Variants in TRAF3IP1 observed in about 807,000 individuals in gnomAD.
TRAF3IP1 encodes the protein intraflagellar transport 54.
Under a neutral mutation model 89.9 loss-of-function variants are expected in TRAF3IP1, and 53 were observed. That is an observed-to-expected ratio of 0.59 (90% confidence interval 0.47 to 0.74). The LOEUF (loss-of-function observed/expected upper bound fraction) is 0.74, where lower values mean the gene tolerates loss of function less well. Ranked by LOEUF, TRAF3IP1 falls within the 30% of genes least tolerant of loss-of-function variation. The probability of loss-of-function intolerance (pLI) is 0.00; values close to 1 mark genes in which losing one functional copy is unlikely to be tolerated. For missense variants in TRAF3IP1, 806 were observed against 866.1 expected (o/e 0.93, Z 0.87); for synonymous variants, 311 against 322.1 (o/e 0.97, Z 0.37).
chr2:238,358,628 TCTA>T (rs1699529103), intron 15 of TRAF3IP1, among the ~76,000 whole-genome samples: 1 of 152,242 alleles, frequency 6.6e-6, no homozygotes, highest in Admixed American at 6.5e-5. Context: ...GGTGTGTATC[TCTA>T]CTTTGGATGT....
intron 15 of TRAF3IP1, 73 bp downstream of exon 15, chr2:238,356,153 G>T (rs1699396434): frequency 1.0e-5 from 12 of 1,201,118 alleles, no homozygotes; most frequent in East Asian, 2.5e-5. Context: ...TTTACAAGTT[G>T]GAGCATCTTT....
chr2:238,335,864 A>T (rs1454871153), intron 7 of TRAF3IP1, among the ~76,000 whole-genome samples: 1 of 151,300 alleles, frequency 6.6e-6, no homozygotes, highest in African/African-American at 2.4e-5. Flanking sequence ...CAGTGGCGCA[A>T]TCATGGCTCA....
At chr2:238,374,753 T>A (rs1700246307) in intron 15 of TRAF3IP1, among the ~76,000 whole-genome samples, 1 of 152,250 alleles carries the variant, frequency 6.6e-6, no homozygotes, top group Non-Finnish European at 1.5e-5. Flanking sequence ...TGAATCCGTC[T>A]GGTCCTGGAC....
At chr2:238,374,806 A>G (rs888303577) in intron 15 of TRAF3IP1, among the ~76,000 whole-genome samples, 5 of 151,990 alleles carry the variant, frequency 3.3e-5, no homozygotes, top group African/African-American at 9.7e-5. Context: ...TTAATTTCAG[A>G]GCCTGTTATT....
At chr2:238,361,308 G>A (rs1351878935) in intron 15 of TRAF3IP1, among the ~76,000 whole-genome samples, 1 of 152,136 alleles carries the variant, frequency 6.6e-6, no homozygotes, top group Non-Finnish European at 1.5e-5. Flanking sequence ...GCCTCCCAAA[G>A]TGAACCACTG....
intron 7 of TRAF3IP1, among the ~76,000 whole-genome samples, chr2:238,335,261 AT>A (rs200248761): frequency 2.2e-4 from 33 of 151,084 alleles, no homozygotes; most frequent in East Asian, 9.7e-4. Context: ...TTTATCATAC[AT>A]TTTTTTTTAC....
chr2:238,361,401 A>G (rs4663881), intron 15 of TRAF3IP1, among the ~76,000 whole-genome samples: 3 of 152,122 alleles, frequency 2.0e-5, no homozygotes, highest in South Asian at 4.1e-4. Context: ...TCTTTTTGTT[A>G]TGGCCAAGAG....
intron 15 of TRAF3IP1, among the ~76,000 whole-genome samples, chr2:238,376,766 T>C (rs989550378): frequency 6.6e-6 from 1 of 152,270 alleles, no homozygotes; most frequent in Non-Finnish European, 1.5e-5. Flanking sequence ...AGTAATGCTG[T>C]TGACTTATAA....
At chr2:238,377,225 A>ATT in intron 15 of TRAF3IP1, among the ~76,000 whole-genome samples, 1 of 75,822 alleles carries the variant, frequency 1.3e-5, no homozygotes, top group Non-Finnish European at 2.6e-5. Context: ...TTCCTTCCTG[A>ATT]TTTTCTTTTT....
At chr2:238,390,519 A>G (rs918157233) in intron 15 of TRAF3IP1, among the ~76,000 whole-genome samples, 7 of 152,158 alleles carry the variant, frequency 4.6e-5, no homozygotes, top group African/African-American at 1.7e-4. Flanking sequence ...TATTCCAAAC[A>G]TGCCTGGCTA....
At chr2:238,380,782 A>G (rs1241177781) in intron 15 of TRAF3IP1, among the ~76,000 whole-genome samples, 6 of 152,172 alleles carry the variant, frequency 3.9e-5, no homozygotes, top group African/African-American at 1.4e-4. Context: ...TAACAGAAAC[A>G]CTGTTGTAAA....
intron 15 of TRAF3IP1, among the ~76,000 whole-genome samples, chr2:238,377,829 G>T (rs1043602482): frequency 2.6e-5 from 4 of 152,232 alleles, no homozygotes; most frequent in Admixed American, 1.3e-4. Flanking sequence ...GTGTTTCTTT[G>T]TGGGAAATAC....
At chr2:238,325,190 T>C in intron 1 of TRAF3IP1, 116 bp from the exon 2 acceptor site, 1 of 1,020,008 alleles carries the variant, frequency 9.8e-7, no homozygotes. Context: ...AAGTGGATGA[T>C]TCAAATCTGG....
rs1175536111 is a variant in TRAF3IP1, at chr2:238,392,318, A to G, written c.1690-5141A>G. Among the ~76,000 whole-genome samples, 11 of 152,336 alleles carry G rather than the reference A, an allele frequency of 7.2e-5. No individual in the cohort carries two copies. In the East Asian group the frequency reaches 2.1e-3, roughly 29 times the overall value. On this transcript the variant is annotated intron_variant, in intron 15 of 16. Coordinates refer to ENST00000373327, the MANE Select transcript of TRAF3IP1 (RefSeq NM_015650.4). Reference sequence around the variant, plus strand: ...TACATTGTCAACCAGGATATTGACAATGAAACAGGATCCAGAACATTTGTA... The same window carrying G: ...TACATTGTCAACCAGGATATTGACAGTGAAACAGGATCCAGAACATTTGTA...
At chr2:238,376,469 T>G (rs1700322062) in intron 15 of TRAF3IP1, among the ~76,000 whole-genome samples, 1 of 152,182 alleles carries the variant, frequency 6.6e-6, no homozygotes, top group Non-Finnish European at 1.5e-5. Context: ...TTCAGCTATG[T>G]TTTGGCAATT....
At chr2:238,337,720 T>C (rs889767065) in intron 7 of TRAF3IP1, among the ~76,000 whole-genome samples, 1 of 152,078 alleles carries the variant, frequency 6.6e-6, no homozygotes, top group East Asian at 1.9e-4. Context: ...ATGAGATTCA[T>C]TGTGGGAGGG....
chr2:238,334,908 TTCTC>T (rs1379738206), intron 7 of TRAF3IP1, among the ~76,000 whole-genome samples: 9 of 152,204 alleles, frequency 5.9e-5, no homozygotes, highest in Non-Finnish European at 5.9e-5. Flanking sequence ...ACCCCACACC[TTCTC>T]CAGTGTTGTT....
intron 15 of TRAF3IP1, among the ~76,000 whole-genome samples, chr2:238,395,044 T>TG (rs759127686): frequency 3.3e-5 from 5 of 151,402 alleles, no homozygotes; most frequent in East Asian, 1.9e-4. Context: ...CTGGAGTGGG[T>TG]GGGGGGGTGT....
chr2:238,348,898 A>G, intron 11 of TRAF3IP1, 50 bp downstream of exon 11: 3 of 1,488,174 alleles, frequency 2.0e-6, no homozygotes, highest in Non-Finnish European at 2.8e-6. Flanking sequence ...CACACCTAGG[A>G]CACTGCTGTG....
Sources: allele counts gnomAD v4.1 joint callset (sites outside exome capture counted in the v4.1 genomes callset), GRCh38; gene constraint gnomAD v4.1.1; transcripts MANE v1.5; gene names NCBI Gene and HGNC (gene_info 2026-07-23, HGNC 2026-07-21).